SUB1: variants seen among roughly 807,000 people sequenced by gnomAD.
The protein encoded by SUB1 is SUB1 regulator of transcription, also known as activated RNA polymerase II transcriptional coactivator p15.
Under a neutral mutation model 16.9 loss-of-function variants are expected in SUB1, and 1 was observed. The observed-to-expected ratio is 0.06, with a 90% confidence interval of 0.02 to 0.28. The LOEUF is 0.28. SUB1 is among the 10% of genes least tolerant of loss of function. The probability of loss-of-function intolerance (pLI) is 1.00; values close to 1 mark genes in which losing one functional copy is unlikely to be tolerated. For missense variants in SUB1, 84 were observed against 145.2 expected (o/e 0.58, Z 2.16); for synonymous variants, 51 against 46.9 (o/e 1.09, Z -0.36).
At chr5:32,596,338 G>A (rs1322538801) in intron 3 of SUB1, 1 of 151,972 alleles carries the variant, frequency 6.6e-6, no homozygotes, top group Non-Finnish European at 1.5e-5. Context: ...TTTTCTTTAG[G>A]TTTCTGGTTT....
At chr5:32,590,590 CT>C (rs551385551) in intron 2 of SUB1, among the ~76,000 whole-genome samples, 2 of 148,688 alleles carry the variant, frequency 1.3e-5, no homozygotes, top group Admixed American at 6.7e-5. Flanking sequence ...TTGTAAATTC[CT>C]TTTTTTTTAA....
At position 32,601,726 on chromosome 5, in the gene SUB1, T is replaced by C. The variant is rs1317351463; in HGVS notation, c.*642T>C. 1 of 153,826 alleles carries C rather than the reference T, an allele frequency of 6.5e-6. No homozygotes were observed. Among genetic ancestry groups the C allele is most frequent in the East Asian group, 1.9e-4 (1 of 5,228 alleles). 9.5% of individuals were successfully genotyped at this position (153,826 alleles called of 1,614,324 possible). ...AACTACAATCACCGAATCTACTGTA[T>C]TCAATATTAGCAGATCTAATTTGAT... On this transcript the variant is annotated 3_prime_UTR_variant, in exon 5 of 5. Transcript: ENST00000265073.
Position 32,602,285 on chromosome 5 carries a change from A to C in SUB1, c.*1201A>C, listed in dbSNP as rs1352596271. 2 of 450,172 alleles carry C rather than the reference A, an allele frequency of 4.4e-6. No homozygotes were observed. The highest frequency in any genetic ancestry group is 8.9e-6 in the Non-Finnish European group (2 of 225,362). 27.9% of individuals were successfully genotyped at this position (450,172 alleles called of 1,614,324 possible). On this transcript the variant is annotated 3_prime_UTR_variant, in exon 5 of 5. Transcript: ENST00000265073. ...GAAAAGAATGTTTATAAAGGGAATT[A>C]TAACTGAAATTAAAGGAGGCGGCAG... is the stretch of plus-strand genomic sequence containing the variant.
chr5:32,586,658 T>C (rs1738677229), intron 1 of SUB1, among the ~76,000 whole-genome samples: 2 of 152,194 alleles, frequency 1.3e-5, no homozygotes, highest in South Asian at 4.1e-4. Context: ...TGATCGACAG[T>C]TTCAAAGTGA....
In SUB1 at chr5:32,591,384, G is replaced by C. The variant is rs996330905; in HGVS notation, c.73-179G>C. The C allele has an allele frequency of 2.6e-5, 21 of 809,048 alleles. No homozygotes were observed. In the East Asian group the frequency reaches 6.8e-4, roughly 26 times the overall value. 50.1% of individuals were successfully genotyped at this position (809,048 alleles called of 1,614,324 possible). On this transcript the variant is annotated intron_variant, in intron 2 of 4. Transcript: ENST00000265073. ...AGAACAGAGTTTGAAAACATTACTA[G>C]ACAGAAGGATTGGTTAGATTCATAG...
At chr5:32,585,765 C>G (rs971312187) in intron 1 of SUB1, 140 bp downstream of exon 1, 1 of 152,456 alleles carries the variant, frequency 6.6e-6, no homozygotes, top group African/African-American at 2.4e-5. Context: ...CCCCCTTCCC[C>G]TCGGCGTCCC....
chr5:32,599,128 A>G, intron 4 of SUB1, 59 bp downstream of exon 4: 1 of 1,260,014 alleles, frequency 7.9e-7, no homozygotes, highest in Non-Finnish European at 1.1e-6. Context: ...AACTTTTCTG[A>G]GTAGCTTACT....
At chr5:32,588,642 A>T in intron 2 of SUB1, 58 bp downstream of exon 2, 4 of 1,508,910 alleles carry the variant, frequency 2.7e-6, no homozygotes, top group Non-Finnish European at 3.6e-6. Context: ...TCCATATCCC[A>T]TTCTGAAGGA....
rs1232283188 is a variant in SUB1 at position 32,594,668 on chromosome 5, C to G, written c.195+2983C>G. The G allele has an allele frequency of 9.0e-6, 4 of 443,176 alleles. No individual in the cohort carries two copies. In the East Asian group the frequency reaches 2.8e-4, roughly 31 times the overall value. 27.5% of individuals were successfully genotyped at this position (443,176 alleles called of 1,614,324 possible). On this transcript the variant is annotated intron_variant, in intron 3 of 4. Transcript: ENST00000265073. ...GCCCGAGCTCTGCCTCCTGTCAGAT[C>G]AGCAGCGGCATTAGATTCTCATAGG...
intron 1 of SUB1, among the ~76,000 whole-genome samples, chr5:32,587,025 T>C (rs1404598832): frequency 6.6e-6 from 1 of 152,210 alleles, no homozygotes; most frequent in Non-Finnish European, 1.5e-5. Flanking sequence ...TAAGTCTTTT[T>C]TTCTTGTATT....
chr5:32,590,240 C>T (rs1738784305), intron 2 of SUB1, among the ~76,000 whole-genome samples: 1 of 152,106 alleles, frequency 6.6e-6, no homozygotes, highest in Non-Finnish European at 1.5e-5. Context: ...TCATGTTTTA[C>T]ATGTATATAA....
intron 4 of SUB1, 119 bp downstream of exon 4, chr5:32,599,188 T>C (rs1739054828): frequency 4.4e-6 from 3 of 681,088 alleles, no homozygotes; most frequent in Non-Finnish European, 7.6e-6. Flanking sequence ...ACTCAATTGA[T>C]TCTCTATCTT....
intron 4 of SUB1, among the ~76,000 whole-genome samples, chr5:32,599,690 G>T (rs957445187): frequency 4.0e-5 from 6 of 151,130 alleles, no homozygotes; most frequent in Non-Finnish European, 7.4e-5. Context: ...CCACTTGTTT[G>T]CTTCATGCAG....
rs550851148 is a variant in SUB1, at chr5:32,601,101, A to T, written c.*17A>T. 658 of 1,596,730 alleles carry T rather than the reference A, an allele frequency of 4.1e-4. 6 individuals are homozygous for T. In the South Asian group the frequency reaches 4.7e-3, roughly 11 times the overall value. ...AAACTGTAAAATTCGAGCCATATAAATAAAACCTGTACTGTTCTAGTTGTT... is the reference window on the plus strand; with the variant it reads ...AAACTGTAAAATTCGAGCCATATAATTAAAACCTGTACTGTTCTAGTTGTT... On this transcript the variant is annotated 3_prime_UTR_variant, in exon 5 of 5. Transcript: ENST00000265073.
intron 3 of SUB1, chr5:32,594,628 T>TAA (rs1738910262): frequency 2.2e-6 from 1 of 454,410 alleles, no homozygotes; most frequent in Admixed American, 2.4e-5. Flanking sequence ...GAGCGGTGTG[T>TAA]GAGTGAACAT....
chr5:32,599,328 T>C (rs993007162), intron 4 of SUB1, among the ~76,000 whole-genome samples: 30 of 152,332 alleles, frequency 2.0e-4, no homozygotes, highest in African/African-American at 6.5e-4. Flanking sequence ...ACTTGAACAA[T>C]TTTTAAAAAG....
At chr5:32,599,750 C>G (rs1471490133) in intron 4 of SUB1, among the ~76,000 whole-genome samples, 4 of 150,278 alleles carry the variant, frequency 2.7e-5, no homozygotes, top group African/African-American at 9.8e-5. Flanking sequence ...TATATGCTTT[C>G]ATATTTTCTT....
intron 4 of SUB1, among the ~76,000 whole-genome samples, chr5:32,600,765 G>A (rs1376903009): frequency 6.6e-6 from 1 of 151,838 alleles, no homozygotes; most frequent in Admixed American, 6.6e-5. Context: ...CACCATGCCC[G>A]GCTAATTTTT....
In SUB1 at chr5:32,590,762, A is replaced by ATTTTTTTTTTTTTTTTTTTTTT. The variant is rs70961652; in HGVS notation, c.73-799_73-778dup. 2.4e-4 allele frequency among the ~76,000 whole-genome samples: 8 copies of ATTTTTTTTTTTTTTTTTTTTTT among 33,978 alleles called. 3 individuals carry two copies. The highest frequency in any genetic ancestry group is 3.8e-4 in the Non-Finnish European group (7 of 18,662). 22.3% of individuals were successfully genotyped at this position (33,978 alleles called of 152,430 possible). ...AGGCGTGTGCCACCACGCCTGGCTA[A>ATTTTTTTTTTTTTTTTTTTTTT]TTTTTTTTTTTTTTTTTTTTTTTGA... On this transcript the variant is annotated intron_variant, in intron 2 of 4. Coordinates refer to ENST00000265073, the MANE Select transcript of SUB1 (RefSeq NM_006713.4).
Sources: gnomAD v4.1 joint callset for allele counts (sites outside exome capture counted in the v4.1 genomes callset) on GRCh38, gnomAD v4.1.1 for gene constraint, MANE v1.5 for transcripts, NCBI Gene and HGNC (gene_info 2026-07-23, HGNC 2026-07-21) for gene names.